CHSY3: variants seen among roughly 807,000 people sequenced by gnomAD.
The protein encoded by CHSY3 is chondroitin sulfate synthase 3.
In CHSY3, 35 loss-of-function variants were observed where a neutral mutation model predicts 67.2. That is an observed-to-expected ratio of 0.52 (90% confidence interval 0.40 to 0.69). CHSY3 has a LOEUF of 0.69. CHSY3 is among the 30% of genes least tolerant of loss of function. The pLI, the probability that CHSY3 is intolerant of heterozygous loss-of-function variation, is 0.00. For missense variants in CHSY3, 1,069 were observed against 1,138.5 expected (o/e 0.94, Z 0.88); for synonymous variants, 474 against 434.7 (o/e 1.09, Z -1.12).
intron 2 of CHSY3, among the ~76,000 whole-genome samples, chr5:130,173,666 TGAA>T (rs1353166251): frequency 6.6e-6 from 1 of 152,180 alleles, no homozygotes; most frequent in Non-Finnish European, 1.5e-5. Context: ...ATACAGGATA[TGAA>T]GAAGAGTGTA....
intron 2 of CHSY3, among the ~76,000 whole-genome samples, chr5:129,968,278 C>CA (rs1022311234): frequency 6.6e-6 from 1 of 151,732 alleles, no homozygotes. Context: ...CCCTGTTTTC[C>CA]ATTTTATCTG....
chr5:129,947,640 G>A (rs889718882), intron 2 of CHSY3, among the ~76,000 whole-genome samples: 4 of 150,544 alleles, frequency 2.7e-5, no homozygotes, highest in African/African-American at 9.8e-5. Flanking sequence ...AAAACAAAAC[G>A]AAACAAAAAA....
chr5:130,139,618 C>T (rs947558500), intron 2 of CHSY3, among the ~76,000 whole-genome samples: 2 of 152,134 alleles, frequency 1.3e-5, no homozygotes, highest in South Asian at 4.1e-4. Flanking sequence ...GATTTTACAA[C>T]ATGAAATCAA....
intron 2 of CHSY3, among the ~76,000 whole-genome samples, chr5:130,118,764 T>C (rs1009155259): frequency 1.3e-5 from 2 of 152,074 alleles, no homozygotes; most frequent in Non-Finnish European, 2.9e-5. Context: ...GTAAAGCACT[T>C]TATTAAAGTG....
At chr5:130,134,265 C>A (rs1436904519) in intron 2 of CHSY3, among the ~76,000 whole-genome samples, 4 of 152,156 alleles carry the variant, frequency 2.6e-5, no homozygotes, top group Non-Finnish European at 5.9e-5. Context: ...AATGGTTGAA[C>A]AATGTGATTC....
chr5:130,162,539 A>G (rs1325651316), intron 2 of CHSY3, among the ~76,000 whole-genome samples: 1 of 151,928 alleles, frequency 6.6e-6, no homozygotes, highest in Non-Finnish European at 1.5e-5. Flanking sequence ...TTATTTATTT[A>G]TTGACTTATT....
chr5:130,015,191 C>A (rs551744940), intron 2 of CHSY3, among the ~76,000 whole-genome samples: 197 of 152,230 alleles, frequency 1.3e-3, no homozygotes, highest in Non-Finnish European at 2.4e-3. Flanking sequence ...GTCTCTCCTG[C>A]TGTCATATAA....
intron 2 of CHSY3, among the ~76,000 whole-genome samples, chr5:129,937,890 G>A (rs1761556241): frequency 1.3e-5 from 2 of 152,142 alleles, no homozygotes; most frequent in African/African-American, 4.8e-5. Flanking sequence ...TTGTGGCTAT[G>A]CAGGGTACAG....
chr5:130,045,188 A>G (rs1375074237), intron 2 of CHSY3, among the ~76,000 whole-genome samples: 1 of 152,096 alleles, frequency 6.6e-6, no homozygotes, highest in Non-Finnish European at 1.5e-5. Flanking sequence ...AATGAATTAC[A>G]AATGGGAAAA....
intron 2 of CHSY3, among the ~76,000 whole-genome samples, chr5:130,027,777 C>T (rs139456106): frequency 0.012 from 1,800 of 152,206 alleles, 16 homozygotes; most frequent in Middle Eastern, 0.031. Context: ...CAGCTTCATC[C>T]ATGTCCCTAC....
In CHSY3 at chr5:130,185,142, C is replaced by T. The variant is rs1487095784; in HGVS notation, c.2000C>T (p.Ser667Phe). 2 of 1,602,018 alleles carry T rather than the reference C, an allele frequency of 1.2e-6. No homozygotes were observed. The highest frequency in any genetic ancestry group is 1.7e-6 in the Non-Finnish European group (2 of 1,169,148). The change falls in exon 3 of 3, where the codon TCC (serine) becomes TTC (phenylalanine). Residue 667 changes from serine to phenylalanine, a missense_variant. Coordinates refer to ENST00000305031, the MANE Select transcript of CHSY3 (RefSeq NM_175856.5). ...TTCAGTAGGGATTCTGGCCAAGACT[C>T]CAGCAAGCATATTGAGCTGATAAAA... is the stretch of plus-strand genomic sequence containing the variant. ...ILFSRDSGQD[S>F]SKHIELIKGY...
chr5:130,076,905 C>T (rs1198613315), intron 2 of CHSY3, among the ~76,000 whole-genome samples: 1 of 144,280 alleles, frequency 6.9e-6, no homozygotes, highest in Non-Finnish European at 1.5e-5. Context: ...AATGAGAACA[C>T]ATGGACACAG....
At chr5:129,971,829 GAT>G (rs1363067822) in intron 2 of CHSY3, among the ~76,000 whole-genome samples, 2 of 152,112 alleles carry the variant, frequency 1.3e-5, no homozygotes, top group East Asian at 3.9e-4. Context: ...GAGAACTAGA[GAT>G]AGTCTAAAAT....
intron 2 of CHSY3, among the ~76,000 whole-genome samples, chr5:129,975,857 T>C (rs1371536010): frequency 1.3e-5 from 2 of 152,042 alleles, no homozygotes; most frequent in Non-Finnish European, 2.9e-5. Context: ...TATAGGGTTG[T>C]TGCATGGATA....
intron 2 of CHSY3, among the ~76,000 whole-genome samples, chr5:130,028,700 T>C (rs1764624825): frequency 6.6e-6 from 1 of 151,984 alleles, no homozygotes; most frequent in Non-Finnish European, 1.5e-5. Context: ...AAAATCTCTG[T>C]CTCTGTCTCT....
intron 2 of CHSY3, among the ~76,000 whole-genome samples, chr5:129,971,705 TA>T (rs897159201): frequency 5.9e-5 from 9 of 152,050 alleles, no homozygotes; most frequent in South Asian, 2.1e-4. Flanking sequence ...ACATTGCTTA[TA>T]AAAAAATAGC....
intron 2 of CHSY3, among the ~76,000 whole-genome samples, chr5:129,943,598 T>C (rs1269755346): frequency 6.6e-6 from 1 of 152,216 alleles, no homozygotes; most frequent in Admixed American, 6.5e-5. Flanking sequence ...TCAACAATCA[T>C]GATCCTTGAG....
intron 2 of CHSY3, among the ~76,000 whole-genome samples, chr5:129,930,908 C>T (rs569223503): frequency 6.6e-6 from 1 of 152,242 alleles, no homozygotes; most frequent in East Asian, 1.9e-4. Context: ...AGGTTAATTT[C>T]ATTTTATTTT....
intron 2 of CHSY3, among the ~76,000 whole-genome samples, chr5:130,179,579 T>C (rs1226093307): frequency 6.6e-6 from 1 of 152,140 alleles, no homozygotes; most frequent in African/African-American, 2.4e-5. Flanking sequence ...TTCATCTTAC[T>C]ATCATATCCC....
Sources: allele counts gnomAD v4.1 joint callset (sites outside exome capture counted in the v4.1 genomes callset), GRCh38; gene constraint gnomAD v4.1.1; transcripts MANE v1.5; gene names NCBI Gene and HGNC (gene_info 2026-07-23, HGNC 2026-07-21).